ADAM29: variants seen among roughly 807,000 people sequenced by gnomAD.
ADAM29 encodes the protein disintegrin and metalloproteinase domain-containing protein 29.
For synonymous variants in ADAM29, 367 were observed against 342.3 expected (o/e 1.07, Z -0.80); for missense variants, 969 against 1,001.8 (o/e 0.97, Z 0.44).
chr4:174,922,015 A>C (rs1166791420), intron 2 of ADAM29, among the ~76,000 whole-genome samples: 2 of 152,196 alleles, frequency 1.3e-5, no homozygotes, highest in Non-Finnish European at 2.9e-5. Context: ...TTGAGTCTCC[A>C]ACTACTAAAT....
chr4:174,972,830 C>A (rs76010094), intron 4 of ADAM29, among the ~76,000 whole-genome samples: 2,753 of 152,240 alleles, frequency 0.018, 88 homozygotes, highest in African/African-American at 0.063. Flanking sequence ...GTCTTCCACA[C>A]CCTTCCCAAT....
intron 4 of ADAM29, among the ~76,000 whole-genome samples, chr4:174,963,684 T>G (rs1219936706): frequency 8.1e-6 from 1 of 123,830 alleles, no homozygotes; most frequent in African/African-American, 3.1e-5. Context: ...TAGTAAAGGT[T>G]TTTTTATTTT....
intron 4 of ADAM29, among the ~76,000 whole-genome samples, chr4:174,957,847 A>G (rs1745591533): frequency 6.6e-6 from 1 of 151,796 alleles, no homozygotes. Flanking sequence ...AAAATGTGCG[A>G]TATTTGTTTC....
chr4:174,949,942 A>C (rs1258546275), intron 4 of ADAM29, among the ~76,000 whole-genome samples: 2 of 152,062 alleles, frequency 1.3e-5, no homozygotes, highest in Non-Finnish European at 2.9e-5. Flanking sequence ...CATTTCCTAC[A>C]TATAAACCCC....
At chr4:174,970,811 G>T (rs1008273528) in intron 4 of ADAM29, among the ~76,000 whole-genome samples, 1 of 152,086 alleles carries the variant, frequency 6.6e-6, no homozygotes. Flanking sequence ...TTTTATTTCT[G>T]TGGCATCTGT....
chr4:174,942,506 C>T (rs1316001252), intron 4 of ADAM29, among the ~76,000 whole-genome samples: 2 of 152,314 alleles, frequency 1.3e-5, no homozygotes, highest in African/African-American at 4.8e-5. Flanking sequence ...AGGCTTAGGG[C>T]TTGTCCCCTC....
chr4:174,953,293 A>G (rs934879714), intron 4 of ADAM29, among the ~76,000 whole-genome samples: 3 of 152,164 alleles, frequency 2.0e-5, no homozygotes, highest in Non-Finnish European at 2.9e-5. Flanking sequence ...CTAAAAACAA[A>G]AAAAAAGAAT....
intron 4 of ADAM29, among the ~76,000 whole-genome samples, chr4:174,974,074 T>G (rs1270583683): frequency 6.6e-6 from 1 of 152,156 alleles, no homozygotes; most frequent in Non-Finnish European, 1.5e-5. Context: ...ATGGGTGGAA[T>G]GGACAGCCCA....
chr4:174,922,903 G>A (rs1169788403), intron 2 of ADAM29, among the ~76,000 whole-genome samples: 2 of 151,432 alleles, frequency 1.3e-5, no homozygotes, highest in Non-Finnish European at 2.9e-5. Flanking sequence ...AAAGCCAAAA[G>A]AATAACCCAC....
At chr4:174,967,989 C>T (rs1458919947) in intron 4 of ADAM29, among the ~76,000 whole-genome samples, 1 of 152,030 alleles carries the variant, frequency 6.6e-6, no homozygotes, top group Non-Finnish European at 1.5e-5. Flanking sequence ...AAAATCTTAA[C>T]AGAAACTGAA....
intron 4 of ADAM29, among the ~76,000 whole-genome samples, chr4:174,948,413 G>A (rs1035432185): frequency 6.6e-6 from 1 of 152,082 alleles, no homozygotes; most frequent in African/African-American, 2.4e-5. Flanking sequence ...CTTCACTTCC[G>A]GAGGATTTTA....
chr4:174,954,094 T>C (rs1249929430), intron 4 of ADAM29, among the ~76,000 whole-genome samples: 2 of 152,166 alleles, frequency 1.3e-5, no homozygotes, highest in Admixed American at 6.5e-5. Context: ...AAAATCCACC[T>C]TAAAATAAAA....
intron 4 of ADAM29, among the ~76,000 whole-genome samples, chr4:174,942,470 G>T (rs4459969): frequency 2.3e-4 from 35 of 152,080 alleles, no homozygotes; most frequent in Admixed American, 5.2e-4. Context: ...CACACCCACA[G>T]GCCCAATACC....
rs115930114 is a variant in ADAM29, at chr4:174,957,134, C to T, written c.-180-18212C>T. Among the ~76,000 whole-genome samples, 518 of 151,868 alleles carry T rather than the reference C, an allele frequency of 3.4e-3. 1 individual carries two copies. Among genetic ancestry groups the T allele is most frequent in the Non-Finnish European group, 4.5e-3 (303 of 67,780 alleles). Reference sequence around the variant, plus strand: ...TAGCACCTGATTAATTGCATTTATGCGATAGGAAAACCATGGACCCTCTCA... The same window carrying T: ...TAGCACCTGATTAATTGCATTTATGTGATAGGAAAACCATGGACCCTCTCA... On this transcript the variant is annotated intron_variant, in intron 4 of 4. Transcript: ENST00000359240.
chr4:174,953,699 C>T (rs895031322), intron 4 of ADAM29, among the ~76,000 whole-genome samples: 6 of 151,882 alleles, frequency 4.0e-5, no homozygotes, highest in African/African-American at 1.5e-4. Flanking sequence ...ACATTATGAC[C>T]CATGCTTTTT....
chr4:174,975,251 A>C (rs1257753307), intron 4 of ADAM29, 95 bp from the exon 5 acceptor site: 5 of 318,692 alleles, frequency 1.6e-5, no homozygotes, highest in African/African-American at 2.1e-5. Context: ...CTTTTATCTC[A>C]TGTTTTTTTC....
In ADAM29 at chr4:174,975,789, T is replaced by C; in HGVS notation, c.264T>C (p.Ala88=). 1 of 1,614,154 alleles carries C rather than the reference T, an allele frequency of 6.2e-7. No individual in the cohort carries two copies. The highest frequency in any genetic ancestry group is 8.5e-7 in the Non-Finnish European group (1 of 1,180,016). The change falls in exon 5 of 5, where the codon GCT becomes GCC. Residue 88 remains alanine, a synonymous_variant. Coordinates refer to ENST00000359240, the MANE Select transcript of ADAM29 (RefSeq NM_014269.4). ...TGTTCACCTACACAGACCAGGGTGC[T>C]ATCCTTGAGGACCAGCCATTTGTCC... ...LPVFTYTDQG[A]ILEDQPFVQN... is the part of the protein sequence containing the mutation.
Position 174,977,717 on chromosome 4 carries a change from A to G in ADAM29, c.2192A>G (p.Gln731Arg). 1 of 1,613,660 alleles carries G rather than the reference A, an allele frequency of 6.2e-7. No homozygotes were observed. Among genetic ancestry groups the G allele is most frequent in the Non-Finnish European group, 8.5e-7 (1 of 1,179,614 alleles). ...IQRRPHELPP[Q>R]SQPWVMPSQS... ...CGTCGACCTCATGAGTTACCTCCCC[A>G]GAGTCAACCTTGGGTGATGCCTTCC... The change falls in exon 5 of 5, where the codon CAG becomes CGG. Residue 731 changes from glutamine to arginine, a missense_variant. Physicochemically the swap from Gln to Arg is conservative, Grantham distance 43. Coordinates refer to ENST00000359240, the MANE Select transcript of ADAM29 (RefSeq NM_014269.4).
At chr4:174,921,981 T>C (rs1409526176) in intron 2 of ADAM29, among the ~76,000 whole-genome samples, 1 of 152,280 alleles carries the variant, frequency 6.6e-6, no homozygotes, top group East Asian at 1.9e-4. Flanking sequence ...AATTTAAAGT[T>C]CAAACTCAAT....
Sources: allele counts gnomAD v4.1 joint callset (sites outside exome capture counted in the v4.1 genomes callset), GRCh38; gene constraint gnomAD v4.1.1; transcripts MANE v1.5; gene names NCBI Gene and HGNC (gene_info 2026-07-23, HGNC 2026-07-21).